The following AFF1 variants were observed in gnomAD, a reference collection of about 807,000 sequenced individuals.
AFF1 encodes ALF transcription elongation factor 1.
In AFF1, 48 loss-of-function variants were observed where a neutral mutation model predicts 121.7. The ratio of observed to expected loss-of-function variants is 0.39; its 90% CI spans 0.31 to 0.50. AFF1 has a LOEUF of 0.50. AFF1 is among the 20% of genes least tolerant of loss of function. The pLI is 0.76. For synonymous variants in AFF1, 613 were observed against 563.0 expected, an observed-to-expected ratio of 1.09 and a Z score of -1.26; for missense variants, 1,523 against 1,511.7, an observed-to-expected ratio of 1.01 and a Z score of -0.12.
intron 14 of AFF1, 103 bp downstream of exon 14, chr4:87,126,439 T>G: frequency 9.2e-7 from 1 of 1,081,798 alleles, no homozygotes. Context: ...GAACTGTCCA[T>G]TGCTTTTAAT....
intron 16 of AFF1, among the ~76,000 whole-genome samples, chr4:87,128,339 T>C (rs1728491731): frequency 6.6e-6 from 1 of 152,218 alleles, no homozygotes; most frequent in Non-Finnish European, 1.5e-5. Flanking sequence ...GGTGGTGGTT[T>C]TGTAGTTAAT....
chr4:87,105,316 C>T (rs1725800058), intron 8 of AFF1, among the ~76,000 whole-genome samples: 1 of 152,308 alleles, frequency 6.6e-6, no homozygotes, highest in Admixed American at 6.5e-5. Context: ...TCAGGGCTCG[C>T]AACGAATCCT....
intron 8 of AFF1, among the ~76,000 whole-genome samples, chr4:87,099,650 C>T (rs1725221528): frequency 6.6e-6 from 1 of 152,232 alleles, no homozygotes; most frequent in African/African-American, 2.4e-5. Flanking sequence ...CTCAGGCAGT[C>T]TGCCCACCTT....
At chr4:87,081,561 C>T (rs1377898166) in intron 4 of AFF1, among the ~76,000 whole-genome samples, 2 of 152,306 alleles carry the variant, frequency 1.3e-5, no homozygotes, top group Non-Finnish European at 2.9e-5. Flanking sequence ...TACCATTGTA[C>T]GGATGCACTG....
chr4:87,020,409 T>C (rs1727778812), intron 2 of AFF1, among the ~76,000 whole-genome samples: 1 of 152,254 alleles, frequency 6.6e-6, no homozygotes, highest in African/African-American at 2.4e-5. Context: ...TGCCATGGAC[T>C]AAGAGATGAA....
chr4:87,081,264 C>G (rs1156411430), intron 4 of AFF1, among the ~76,000 whole-genome samples: 2 of 147,844 alleles, frequency 1.4e-5, no homozygotes, highest in East Asian at 2.1e-4. Flanking sequence ...CAGGTTCACA[C>G]GACTCTCCTG....
chr4:87,064,717 A>G (rs1396067999), intron 4 of AFF1, among the ~76,000 whole-genome samples: 1 of 152,082 alleles, frequency 6.6e-6, no homozygotes. Context: ...TGTCTCTACT[A>G]AAAATGCAAA....
intron 2 of AFF1, chr4:87,020,791 T>G (rs1258222396): frequency 5.1e-6 from 5 of 985,076 alleles, no homozygotes; most frequent in Admixed American, 6.1e-5. Context: ...TAATGCCATG[T>G]TTTTGATGCA....
chr4:87,084,317 TTGCTTGAGCTCCGGAGTTCACGAC>T (rs1296518742), intron 5 of AFF1, among the ~76,000 whole-genome samples, 153 bp downstream of exon 5: 1 of 152,054 alleles, frequency 6.6e-6, no homozygotes, highest in African/African-American at 2.4e-5. Flanking sequence ...GGTGGGCGGA[TTGCTTGAGCTCCGGAGTTCACGAC>T]CAGCCTGGAC....
At chr4:87,068,501 T>C (rs1721619585) in intron 4 of AFF1, among the ~76,000 whole-genome samples, 1 of 152,164 alleles carries the variant, frequency 6.6e-6, no homozygotes, top group Non-Finnish European at 1.5e-5. Context: ...AAAACAAAGG[T>C]TAAACTATTT....
At chr4:87,002,817 C>G (rs77014665) in intron 2 of AFF1, among the ~76,000 whole-genome samples, 1 of 152,146 alleles carries the variant, frequency 6.6e-6, no homozygotes, top group South Asian at 2.1e-4. Flanking sequence ...CGGAGCCTCA[C>G]GTGCTTCCTA....
chr4:87,117,009 T>G (rs1727194196), intron 12 of AFF1, among the ~76,000 whole-genome samples: 1 of 152,174 alleles, frequency 6.6e-6, no homozygotes, highest in Non-Finnish European at 1.5e-5. Context: ...TGTGGTCTTG[T>G]GTGGTCTCCA....
intron 4 of AFF1, among the ~76,000 whole-genome samples, chr4:87,060,091 A>G (rs577225616): frequency 2.0e-5 from 3 of 152,368 alleles, no homozygotes; most frequent in African/African-American, 7.2e-5. Context: ...GCAGTGTTCA[A>G]TAATGTTTTT....
At chr4:87,070,911 C>G (rs1721968151) in intron 4 of AFF1, among the ~76,000 whole-genome samples, 1 of 152,164 alleles carries the variant, frequency 6.6e-6, no homozygotes, top group Non-Finnish European at 1.5e-5. Flanking sequence ...CCACTTTTTA[C>G]TCCCCAGGAG....
chr4:87,123,092 C>G (rs1471779639), intron 12 of AFF1, among the ~76,000 whole-genome samples: 1 of 152,062 alleles, frequency 6.6e-6, no homozygotes, highest in Admixed American at 6.6e-5. Flanking sequence ...TGGAGTTTCA[C>G]AATGTTGGCC....
At chr4:86,983,763 C>T (rs112574516) in intron 2 of AFF1, among the ~76,000 whole-genome samples, 12 of 149,784 alleles carry the variant, frequency 8.0e-5, no homozygotes, top group South Asian at 2.1e-4. Flanking sequence ...TGTCGCCAGG[C>T]GCAGTGGCTC....
At chr4:87,081,152 A>ATTTTTTTTTTTTTTTTTTTTT in intron 4 of AFF1, among the ~76,000 whole-genome samples, 1 of 89,722 alleles carries the variant, frequency 1.1e-5, no homozygotes, top group African/African-American at 4.4e-5. Flanking sequence ...AATGAAATGA[A>ATTTTTTTTTTTTTTTTTTTTT]TTTTTTTTTT....
chr4:86,985,933 T>G (rs962806831), intron 2 of AFF1, among the ~76,000 whole-genome samples: 1 of 83,120 alleles, frequency 1.2e-5, no homozygotes, highest in Non-Finnish European at 3.7e-5. Flanking sequence ...AGATTACCAC[T>G]AATTGATAAT....
intron 16 of AFF1, 32 bp downstream of exon 16, chr4:87,127,735 A>G (rs1189325843): frequency 5.0e-6 from 8 of 1,608,584 alleles, no homozygotes; most frequent in Non-Finnish European, 6.8e-6. Flanking sequence ...CTTTGGTAGA[A>G]TGTTTTCTGA....
Sources: gnomAD v4.1 joint callset for allele counts (sites outside exome capture counted in the v4.1 genomes callset) on GRCh38, gnomAD v4.1.1 for gene constraint, MANE v1.5 for transcripts, NCBI Gene and HGNC (gene_info 2026-07-23, HGNC 2026-07-21) for gene names.